SEZ6L: variants seen among roughly 807,000 people sequenced by gnomAD.
The protein encoded by SEZ6L is seizure 6-like protein.
Under a neutral mutation model 106.2 loss-of-function variants are expected in SEZ6L, and 37 were observed. The observed-to-expected ratio is 0.35, with a 90% CI of 0.27 to 0.46. The LOEUF (loss-of-function observed/expected upper bound fraction) is 0.46. SEZ6L is among the 20% of genes least tolerant of loss of function. The pLI is 1.00. For missense variants in SEZ6L, 1,172 were observed against 1,332.8 expected (o/e 0.88, Z 1.88); for synonymous variants, 541 against 570.4 (o/e 0.95, Z 0.73).
chr22:26,201,955 C>T (rs1408330465), intron 1 of SEZ6L, among the ~76,000 whole-genome samples: 3 of 152,074 alleles, frequency 2.0e-5, no homozygotes, highest in African/African-American at 7.2e-5. Flanking sequence ...GCTCTGTCGC[C>T]CAGGCTGGAG....
chr22:26,210,290 G>A (rs5752280), intron 1 of SEZ6L, among the ~76,000 whole-genome samples: 9,424 of 152,176 alleles, frequency 0.062, 489 homozygotes, highest in East Asian at 0.25. Flanking sequence ...AAAACTTTTC[G>A]GTGAACTAAT....
At chr22:26,173,371 C>T (rs962840342) in intron 1 of SEZ6L, among the ~76,000 whole-genome samples, 2 of 152,192 alleles carry the variant, frequency 1.3e-5, no homozygotes, top group Middle Eastern at 3.2e-3. Context: ...GTGAGTAACT[C>T]CAGTTACCTG....
At chr22:26,229,011 T>C (rs2078718577) in intron 1 of SEZ6L, among the ~76,000 whole-genome samples, 1 of 152,210 alleles carries the variant, frequency 6.6e-6, no homozygotes, top group Non-Finnish European at 1.5e-5. Context: ...TACTTTGTGT[T>C]TTTTTGAGAC....
At chr22:26,241,835 A>T (rs1421965692) in intron 1 of SEZ6L, among the ~76,000 whole-genome samples, 2 of 152,210 alleles carry the variant, frequency 1.3e-5, no homozygotes, top group African/African-American at 4.8e-5. Context: ...TTAATGTCAC[A>T]GGCTTAATGG....
chr22:26,173,215 A>C (rs556118537), intron 1 of SEZ6L, among the ~76,000 whole-genome samples: 4 of 152,318 alleles, frequency 2.6e-5, no homozygotes, highest in African/African-American at 7.2e-5. Flanking sequence ...AGTAATGTTT[A>C]TTTCTTTCTT....
At chr22:26,310,587 C>A in intron 6 of SEZ6L, 83 bp from the exon 7 acceptor site, 2 of 1,437,772 alleles carry the variant, frequency 1.4e-6, no homozygotes, top group Admixed American at 1.8e-5. Flanking sequence ...GCTCCAGAGG[C>A]AGTCGTAGCA....
chr22:26,249,221 T>C (rs2145789974), intron 1 of SEZ6L, among the ~76,000 whole-genome samples: 1 of 152,252 alleles, frequency 6.6e-6, no homozygotes, highest in South Asian at 2.1e-4. Context: ...TACAATCAAT[T>C]GTTAATTATA....
At position 26,348,660 on chromosome 22, in the gene SEZ6L, A is replaced by AAG. The variant is rs1239830783; in HGVS notation, c.2407+749_2407+750dup. 6.5e-5 allele frequency among the ~76,000 whole-genome samples: 4 copies of AAG among 61,936 alleles called. 1 individual carries two copies. Among genetic ancestry groups the AAG allele is most frequent in the South Asian group, 1.3e-3 (2 of 1,534 alleles). The allele number at this position is 61,936 out of a possible 152,430, so 40.6% of individuals were successfully genotyped here. A position where few individuals can be genotyped will look rare whatever the true frequency, so the allele number is the denominator to read the frequency against. ...AGAAAGAAAGAAAAAGAAAGAAAGA[A>AAG]AGAAAGAAAGAAAGAAAGAAAGAAA... On this transcript the variant is annotated intron_variant, in intron 11 of 16. Coordinates refer to ENST00000248933, the MANE Select transcript of SEZ6L (RefSeq NM_021115.5).
intron 1 of SEZ6L, among the ~76,000 whole-genome samples, chr22:26,262,011 T>G (rs780205073): frequency 6.6e-6 from 1 of 152,140 alleles, no homozygotes; most frequent in Non-Finnish European, 1.5e-5. Context: ...ATAAGGAGTT[T>G]GTTTGACCCA....
At chr22:26,317,344 T>C (rs915395818) in intron 9 of SEZ6L, among the ~76,000 whole-genome samples, 5 of 151,934 alleles carry the variant, frequency 3.3e-5, no homozygotes, top group Non-Finnish European at 7.4e-5. Flanking sequence ...GACCTACTCC[T>C]GAGTTCTTGG....
intron 1 of SEZ6L, among the ~76,000 whole-genome samples, chr22:26,270,477 T>C (rs962295746): frequency 6.6e-6 from 1 of 151,576 alleles, no homozygotes; most frequent in South Asian, 2.1e-4. Flanking sequence ...TGTGTGTGTG[T>C]GTGTGTGTGT....
rs760027969 is a variant in SEZ6L, at chr22:26,347,773, A to G, written c.2267A>G (p.Lys756Arg). The part of the protein sequence containing the change: ...SDLPEIQNGW[K>R]TTSHTELVRG... ...TTACCCGAGATCCAGAATGGCTGGA[A>G]AACCACTTCTCACACGGAGTTGGTG... Residue 756 changes from lysine (K) to arginine (R), a missense_variant, in exon 11 of 17, where the codon AAA becomes AGA. Physicochemically the swap from Lys to Arg is conservative, Grantham distance 26. Coordinates refer to ENST00000248933, the MANE Select transcript of SEZ6L (RefSeq NM_021115.5). The G allele has an allele frequency of 2.0e-5, 33 of 1,609,970 alleles. 1 individual carries two copies. The Middle Eastern group carries it at 5.0e-4, about 24-fold the overall frequency.
At chr22:26,181,170 T>C (rs1939365766) in intron 1 of SEZ6L, among the ~76,000 whole-genome samples, 1 of 152,202 alleles carries the variant, frequency 6.6e-6, no homozygotes, top group Admixed American at 6.5e-5. Context: ...CTGCAGTGTA[T>C]GTGAATGGTA....
chr22:26,327,799 C>T (rs550944613), intron 9 of SEZ6L, among the ~76,000 whole-genome samples: 34 of 152,332 alleles, frequency 2.2e-4, no homozygotes, highest in South Asian at 1.5e-3. Context: ...GGTGAGCTCT[C>T]GCACCCTGAC....
At chr22:26,216,656 A>AAAAAAGAAAAAGGAAAAGAAAAAG (rs2078308578) in intron 1 of SEZ6L, among the ~76,000 whole-genome samples, 1 of 138,142 alleles carries the variant, frequency 7.2e-6, no homozygotes, top group African/African-American at 2.6e-5. Context: ...ACTCCATCTC[A>AAAAAAGAAAAAGGAAAAGAAAAAG]AAAAAGAAAA....
At chr22:26,218,335 GCTAT>G (rs1235246124) in intron 1 of SEZ6L, among the ~76,000 whole-genome samples, 1 of 152,088 alleles carries the variant, frequency 6.6e-6, no homozygotes, top group Non-Finnish European at 1.5e-5. Context: ...GTTTGCTGCA[GCTAT>G]CAACCCGTCA....
chr22:26,230,477 C>G (rs1021135649), intron 1 of SEZ6L, among the ~76,000 whole-genome samples: 2 of 152,330 alleles, frequency 1.3e-5, no homozygotes, highest in Admixed American at 1.3e-4. Flanking sequence ...GCTAGGATAA[C>G]AGCCATGAGC....
chr22:26,256,522 C>A (rs1481340193), intron 1 of SEZ6L, among the ~76,000 whole-genome samples: 1 of 152,226 alleles, frequency 6.6e-6, no homozygotes, highest in Non-Finnish European at 1.5e-5. Flanking sequence ...ACCTGGAGAG[C>A]TTTAAAAGAC....
intron 1 of SEZ6L, among the ~76,000 whole-genome samples, chr22:26,223,116 C>A (rs769258526): frequency 1.3e-5 from 2 of 152,196 alleles, no homozygotes; most frequent in Non-Finnish European, 2.9e-5. Flanking sequence ...GGAGTTGTAG[C>A]AGCTCACCCC....
Sources: gnomAD v4.1 joint callset for allele counts (sites outside exome capture counted in the v4.1 genomes callset) on GRCh38, gnomAD v4.1.1 for gene constraint, MANE v1.5 for transcripts, NCBI Gene and HGNC (gene_info 2026-07-23, HGNC 2026-07-21) for gene names.